Variants in QKI observed in about 807,000 individuals in gnomAD.
QKI encodes QKI, KH domain containing RNA binding.
A neutral mutation model predicts 39.0 loss-of-function variants in QKI; 10 were observed. The ratio of observed to expected loss-of-function variants is 0.26; its 90% confidence interval spans 0.16 to 0.43. QKI has a LOEUF of 0.43. Ranked by LOEUF, QKI falls within the 20% of genes least tolerant of loss-of-function variation. QKI has a pLI of 1.00. For synonymous variants in QKI, 204 were observed against 155.4 expected, an observed-to-expected ratio of 1.31 and a Z score of -2.33; for missense variants, 218 against 428.0, an observed-to-expected ratio of 0.51 and a Z score of 4.33.
At chr6:163,561,063 C>T (rs1393767721) in intron 4 of QKI, among the ~76,000 whole-genome samples, 1 of 152,164 alleles carries the variant, frequency 6.6e-6, no homozygotes, top group African/African-American at 2.4e-5. Flanking sequence ...ATTGCTGTAG[C>T]ATTGATAGCA....
chr6:163,507,276 A>G (rs1222513210), intron 3 of QKI, among the ~76,000 whole-genome samples: 1 of 152,184 alleles, frequency 6.6e-6, no homozygotes, highest in African/African-American at 2.4e-5. Flanking sequence ...TGAACTGCCA[A>G]AATAAGAACT....
At position 163,517,035 on chromosome 6, in the gene QKI, G is replaced by GACAC. The variant is rs111701494; in HGVS notation, c.403-17930_403-17927dup. On this transcript the variant is annotated intron_variant, in intron 3 of 7. Coordinates refer to ENST00000361752, the MANE Select transcript of QKI (RefSeq NM_006775.3). Reference sequence around the variant, plus strand: ...AGTTTCAACCAGAGAAGCAGTAGGGGACACACACACACACACACACTCACT... The same window carrying GACAC: ...AGTTTCAACCAGAGAAGCAGTAGGGGACACACACACACACACACACACACTCACT... 9.3e-3 allele frequency among the ~76,000 whole-genome samples: 1,356 copies of GACAC among 145,654 alleles called. 18 individuals are homozygous for GACAC. Among genetic ancestry groups the GACAC allele is most frequent in the Non-Finnish European group, 0.015 (970 of 66,738 alleles).
intron 7 of QKI, chr6:163,569,202 C>CT: frequency 1.0e-6 from 1 of 959,294 alleles, no homozygotes; most frequent in Non-Finnish European, 1.2e-6. Context: ...TAAAATTCCA[C>CT]TTTTAAGAAA....
At chr6:163,510,149 G>A (rs908479779) in intron 3 of QKI, among the ~76,000 whole-genome samples, 3 of 150,484 alleles carry the variant, frequency 2.0e-5, no homozygotes, top group Admixed American at 6.6e-5. Context: ...CTGGGAGGTG[G>A]AGGTTGCAGT....
intron 3 of QKI, among the ~76,000 whole-genome samples, chr6:163,516,016 T>C (rs1367358966): frequency 8.8e-5 from 5 of 56,624 alleles, no homozygotes; most frequent in Non-Finnish European, 1.4e-4. Context: ...CATTGTGATA[T>C]AATCTGATTA....
rs1415800010 is a variant in QKI, at chr6:163,576,326, G to C, written c.*5616G>C. 1 of 152,172 alleles carries C rather than the reference G, an allele frequency of 6.6e-6. No homozygotes were observed. The highest frequency in any genetic ancestry group is 2.1e-4 in the South Asian group (1 of 4,828). 9.4% of individuals were successfully genotyped at this position (152,172 alleles called of 1,614,324 possible). A position where few individuals can be genotyped will look rare whatever the true frequency, so the allele number is the denominator to read the frequency against. ...ATTGCCAGGGGGTGGGGGAGAAGGC[G>C]AATGAATTAATTCATAGTAGAAGGA... On this transcript the variant is annotated 3_prime_UTR_variant, in exon 8 of 8. Coordinates refer to ENST00000361752, the MANE Select transcript of QKI (RefSeq NM_006775.3).
chr6:163,555,096 T>C (rs191824942), intron 4 of QKI, among the ~76,000 whole-genome samples: 1 of 152,354 alleles, frequency 6.6e-6, no homozygotes, highest in East Asian at 1.9e-4. Context: ...TTTGTTATTC[T>C]TCAATTAAAT....
At chr6:163,530,520 G>A (rs1297640640) in intron 3 of QKI, among the ~76,000 whole-genome samples, 1 of 152,124 alleles carries the variant, frequency 6.6e-6, no homozygotes, top group Non-Finnish European at 1.5e-5. Context: ...GAGATCACAG[G>A]GAGAAATAGT....
intron 1 of QKI, among the ~76,000 whole-genome samples, chr6:163,438,881 T>G (rs1217758599): frequency 6.6e-6 from 1 of 152,212 alleles, no homozygotes; most frequent in Non-Finnish European, 1.5e-5. Flanking sequence ...CTTTATAAAC[T>G]TCTAAATTTT....
intron 4 of QKI, among the ~76,000 whole-genome samples, chr6:163,555,855 C>T (rs1321316648): frequency 1.3e-5 from 2 of 152,012 alleles, no homozygotes; most frequent in African/African-American, 4.8e-5. Context: ...GTATATAGAT[C>T]TAAAAATACT....
chr6:163,467,038 CAA>C (rs199715703), intron 2 of QKI, among the ~76,000 whole-genome samples: 3,916 of 105,024 alleles, frequency 0.037, 163 homozygotes, highest in African/African-American at 0.11. Context: ...AACAAAACAG[CAA>C]AAAAAAAAAA....
At chr6:163,452,523 C>T (rs1790648084) in intron 1 of QKI, among the ~76,000 whole-genome samples, 1 of 152,090 alleles carries the variant, frequency 6.6e-6, no homozygotes, top group South Asian at 2.1e-4. Context: ...TTTACCCCCA[C>T]CAAGTATTTA....
Position 163,563,424 on chromosome 6 carries a change from C to G in QKI, c.639C>G (p.Ala213=). 5.6e-6 allele frequency: 9 copies of G among 1,604,922 alleles called. No homozygotes were observed. The highest frequency in any genetic ancestry group is 7.7e-6 in the Non-Finnish European group (9 of 1,174,660). The change falls in exon 6 of 8, where the codon GCC becomes GCG. Residue 213 remains alanine (A), a synonymous_variant. Coordinates refer to ENST00000361752, the MANE Select transcript of QKI (RefSeq NM_006775.3). ...AAATTTCTTTGCTTACTGTAGCAGC[C>G]CTTGCCTTTTCTCTTGCAGCAACAG... The part of the protein sequence containing the change: ...TYRDANIKSP[A]LAFSLAATAQ...
At chr6:163,504,642 A>G (rs140792944) in intron 3 of QKI, among the ~76,000 whole-genome samples, 3 of 152,224 alleles carry the variant, frequency 2.0e-5, no homozygotes, top group Non-Finnish European at 4.4e-5. Context: ...AATGGGATGC[A>G]TTGGCTGTCA....
chr6:163,491,909 A>G (rs1263528241), intron 3 of QKI, among the ~76,000 whole-genome samples: 1 of 152,198 alleles, frequency 6.6e-6, no homozygotes, highest in African/African-American at 2.4e-5. Flanking sequence ...TTAATTGCCC[A>G]TGTCTAATGA....
rs553765729 is a variant in QKI at position 163,446,035 on chromosome 6, C to T, written c.143-9244C>T. Among the ~76,000 whole-genome samples the T allele has an allele frequency of 8.2e-4, 125 of 152,310 alleles. 2 individuals carry two copies. The highest frequency in any genetic ancestry group is 2.9e-3 in the African/African-American group (120 of 41,568). On this transcript the variant is annotated intron_variant, in intron 1 of 7. Coordinates refer to ENST00000361752, the MANE Select transcript of QKI (RefSeq NM_006775.3). ...TCCTTAGTAATTAATAAATGCCTTA[C>T]AGGGGAGATACTCTGAAACCGTACA... is the stretch of plus-strand genomic sequence containing the variant.
At chr6:163,447,618 T>C (rs1311457215) in intron 1 of QKI, among the ~76,000 whole-genome samples, 1 of 152,212 alleles carries the variant, frequency 6.6e-6, no homozygotes, top group African/African-American at 2.4e-5. Flanking sequence ...ATTTGTTAAT[T>C]CTTTAATCAC....
intron 1 of QKI, among the ~76,000 whole-genome samples, chr6:163,439,356 G>GA (rs1789567331): frequency 1.7e-5 from 2 of 116,538 alleles, no homozygotes; most frequent in Admixed American, 9.0e-5. Context: ...TTTTTTTTTC[G>GA]GGGGGGTGGG....
chr6:163,429,059 GCA>G (rs1418387606), intron 1 of QKI: 1 of 152,132 alleles, frequency 6.6e-6, no homozygotes, highest in Non-Finnish European at 1.5e-5. Context: ...AGTGGTGAGG[GCA>G]CAGAGATAGC....
Sources: gnomAD v4.1 joint callset for allele counts (sites outside exome capture counted in the v4.1 genomes callset) on GRCh38, gnomAD v4.1.1 for gene constraint, MANE v1.5 for transcripts, NCBI Gene and HGNC (gene_info 2026-07-23, HGNC 2026-07-21) for gene names.